The following GRIK3 variants were observed in gnomAD, a reference collection of about 807,000 sequenced individuals.
The protein encoded by GRIK3 is glutamate receptor ionotropic, kainate 3.
GRIK3 carries 29 observed loss-of-function variants against 102.5 expected under a neutral mutation model. That is an observed-to-expected ratio of 0.28 (90% confidence interval 0.21 to 0.39). GRIK3 has a LOEUF of 0.39. GRIK3 is among the 10% of genes least tolerant of loss of function. The probability of loss-of-function intolerance (pLI) is 1.00; values close to 1 mark genes in which losing one functional copy is unlikely to be tolerated. For synonymous variants in GRIK3, 511 were observed against 504.9 expected (o/e 1.01, Z -0.16); for missense variants, 908 against 1,252.4 (o/e 0.73, Z 4.15).
At position 36,819,905 on chromosome 1, in the gene GRIK3, GC is replaced by G; in HGVS notation, c.1755-52del. On this transcript the variant is annotated intron_variant, in intron 11 of 15. Transcript: ENST00000373091. The surrounding 1 kb of genome is among the most constrained non-coding windows in gnomAD (Gnocchi z 4.1). ...AGCCTGGGAAGCAAGGGGCATCCACGCCCCAGCAGGCAGTGGTTTAGCAAAC... is the reference window on the plus strand; with the variant it reads ...AGCCTGGGAAGCAAGGGGCATCCACGCCCAGCAGGCAGTGGTTTAGCAAAC... The G allele has an allele frequency of 1.1e-6, 1 of 897,352 alleles. No homozygotes were observed. The highest frequency in any genetic ancestry group is 1.8e-6 in the Non-Finnish European group (1 of 546,764). 55.6% of individuals were successfully genotyped at this position (897,352 alleles called of 1,614,324 possible). A position where few individuals can be genotyped will look rare whatever the true frequency, so the allele number is the denominator to read the frequency against.
chr1:36,885,397 AGT>A (rs1471934266), intron 2 of GRIK3, among the ~76,000 whole-genome samples: 1 of 152,036 alleles, frequency 6.6e-6, no homozygotes, highest in South Asian at 2.1e-4. Context: ...CAGTGGGGGT[AGT>A]GTTGGTGGTG....
chr1:36,808,351 A>G (rs1367214616), intron 13 of GRIK3, among the ~76,000 whole-genome samples: 2 of 152,218 alleles, frequency 1.3e-5, no homozygotes, highest in Non-Finnish European at 2.9e-5. Flanking sequence ...CTCTTCTTGA[A>G]TGTGAGCTGA....
intron 2 of GRIK3, among the ~76,000 whole-genome samples, chr1:36,883,531 C>G (rs1641006368): frequency 6.6e-6 from 1 of 152,130 alleles, no homozygotes; most frequent in African/African-American, 2.4e-5. Context: ...GAAGACAGAC[C>G]CAAGGAAGAG....
chr1:36,972,476 G>T (rs1186030613), intron 1 of GRIK3, among the ~76,000 whole-genome samples: 1 of 152,176 alleles, frequency 6.6e-6, no homozygotes, highest in Non-Finnish European at 1.5e-5. Flanking sequence ...AGAGTGGAAG[G>T]GGTAGGAGCA....
intron 3 of GRIK3, among the ~76,000 whole-genome samples, chr1:36,876,271 C>T (rs543646146): frequency 2.8e-4 from 43 of 152,140 alleles, no homozygotes; most frequent in Admixed American, 2.4e-3. Flanking sequence ...GTGGGAGGAC[C>T]GTTTGAGCCC....
intron 1 of GRIK3, among the ~76,000 whole-genome samples, chr1:37,002,673 T>C (rs1170325610): frequency 7.1e-6 from 1 of 141,790 alleles, no homozygotes; most frequent in Non-Finnish European, 1.5e-5. Context: ...TTTCTTTCTT[T>C]TTTTTTTTTT....
At chr1:37,017,770 C>G (rs1307446126) in intron 1 of GRIK3, among the ~76,000 whole-genome samples, 3 of 152,206 alleles carry the variant, frequency 2.0e-5, no homozygotes, top group Non-Finnish European at 4.4e-5. Context: ...GATAACACCT[C>G]TGACGTATGG....
Position 36,850,041 on chromosome 1 carries a change from C to A in GRIK3, c.1326+270G>T, listed in dbSNP as rs187295521. 4.4e-5 allele frequency: 17 copies of A among 387,916 alleles called. No homozygotes were observed. Among genetic ancestry groups the A allele is most frequent in the African/African-American group, 3.3e-4 (16 of 48,662 alleles). 24.0% of individuals were successfully genotyped at this position (387,916 alleles called of 1,614,324 possible). A position where few individuals can be genotyped will look rare whatever the true frequency, so the allele number is the denominator to read the frequency against. ...AATGGGCTGTCAAACCCCCTTAATT[C>A]CACCATCCAGCATGGTTCCTACTCA... On this transcript the variant is annotated intron_variant, in intron 9 of 15. Transcript: ENST00000373091. The surrounding 1 kb of genome is among the most constrained non-coding windows in gnomAD (Gnocchi z 4.0).
intron 2 of GRIK3, among the ~76,000 whole-genome samples, chr1:36,883,082 G>C (rs976823941): frequency 3.9e-5 from 6 of 152,196 alleles, no homozygotes; most frequent in African/African-American, 7.2e-5. Flanking sequence ...AGGCCTGGCT[G>C]TCTCAAGGGC....
chr1:36,984,321 C>T (rs1642281869), intron 1 of GRIK3, among the ~76,000 whole-genome samples: 1 of 152,246 alleles, frequency 6.6e-6, no homozygotes, highest in African/African-American at 2.4e-5. Context: ...CACACATGCA[C>T]ACTATCTCCT....
chr1:36,806,471 A>G lies in GRIK3; in HGVS notation c.2092-145T>C, dbSNP rs1433939498. The G allele has an allele frequency of 1.7e-6, 1 of 585,406 alleles. No individual in the cohort carries two copies. The highest frequency in any genetic ancestry group is 3.0e-6 in the Non-Finnish European group (1 of 331,132). The allele number at this position is 585,406 out of a possible 1,614,324, so 36.3% of individuals were successfully genotyped here. A position where few individuals can be genotyped will look rare whatever the true frequency, so the allele number is the denominator to read the frequency against. On this transcript the variant is annotated intron_variant, in intron 13 of 15. Transcript: ENST00000373091. The surrounding 1 kb of genome is among the most constrained non-coding windows in gnomAD (Gnocchi z 4.0). ...AGGAAGTGCTACACGGTGCTCAGAT[A>G]TAGAAATTGAGGCCCCGGGGCAAAG...
At chr1:36,983,270 T>G (rs1642268888) in intron 1 of GRIK3, among the ~76,000 whole-genome samples, 2 of 152,116 alleles carry the variant, frequency 1.3e-5, no homozygotes, top group Non-Finnish European at 1.5e-5. Flanking sequence ...GTAACACGTA[T>G]GAAAGCATTC....
chr1:37,007,376 C>T (rs996772342), intron 1 of GRIK3, among the ~76,000 whole-genome samples: 5 of 152,234 alleles, frequency 3.3e-5, no homozygotes, highest in African/African-American at 1.2e-4. Context: ...GCTTCTAACA[C>T]TGAGTTCAGG....
At chr1:36,887,459 A>G (rs1641050299) in intron 2 of GRIK3, among the ~76,000 whole-genome samples, 1 of 152,192 alleles carries the variant, frequency 6.6e-6, no homozygotes, top group Non-Finnish European at 1.5e-5. Context: ...GCAATAATAT[A>G]TAAATCAAGA....
At chr1:36,887,794 A>T (rs1294310856) in intron 2 of GRIK3, among the ~76,000 whole-genome samples, 2 of 10,972 alleles carry the variant, frequency 1.8e-4, no homozygotes, top group South Asian at 1.2e-3. Context: ...ATATATAGTG[A>T]GAGAGAGAGA....
At chr1:36,978,754 G>A (rs886889999) in intron 1 of GRIK3, among the ~76,000 whole-genome samples, 1 of 152,204 alleles carries the variant, frequency 6.6e-6, no homozygotes, top group African/African-American at 2.4e-5. Context: ...ACAGTAGCAG[G>A]ATTCTGAGAG....
In GRIK3 at chr1:36,859,687, G is replaced by C. The variant is rs562793126; in HGVS notation, c.960+157C>G. Among the ~76,000 whole-genome samples, 11 of 152,270 alleles carry C rather than the reference G, an allele frequency of 7.2e-5. No homozygotes were observed. The South Asian group carries it at 1.7e-3, about 23-fold the overall frequency. ...CTTGGGGAGGGACTGTCTGTTTCAC[G>C]TTTGTGTCCCCAATCCCTAGCCTGG... On this transcript the variant is annotated intron_variant, in intron 6 of 15. Coordinates refer to ENST00000373091, the MANE Select transcript of GRIK3 (RefSeq NM_000831.4).
intron 1 of GRIK3, among the ~76,000 whole-genome samples, chr1:36,898,674 AT>A (rs1334630355): frequency 1.3e-5 from 2 of 152,078 alleles, no homozygotes; most frequent in Non-Finnish European, 2.9e-5. Context: ...TCCCAATGAC[AT>A]TTTTTTGCAG....
At chr1:36,961,959 C>A (rs1280309351) in intron 1 of GRIK3, among the ~76,000 whole-genome samples, 3 of 152,162 alleles carry the variant, frequency 2.0e-5, no homozygotes, top group African/African-American at 7.2e-5. Flanking sequence ...GTGGTGAGAA[C>A]TGGTCTAAGA....
Sources: gnomAD v4.1 joint callset for allele counts (sites outside exome capture counted in the v4.1 genomes callset) on GRCh38, gnomAD v4.1.1 for gene constraint, Gnocchi (gnomAD v3.1) non-coding constraint, MANE v1.5 for transcripts, NCBI Gene and HGNC (gene_info 2026-07-23, HGNC 2026-07-21) for gene names.